KCNIP4: variants seen among roughly 807,000 people sequenced by gnomAD.
The protein encoded by KCNIP4 is Kv channel-interacting protein 4.
Under a neutral mutation model 34.0 loss-of-function variants are expected in KCNIP4, and 12 were observed. That is an observed-to-expected ratio of 0.35 (90% CI 0.23 to 0.57). KCNIP4 has a LOEUF of 0.57. Among genes scored for constraint, KCNIP4 ranks in the 20% least tolerant of loss-of-function variants. The probability of loss-of-function intolerance (pLI) is 0.83; values close to 1 mark genes in which losing one functional copy is unlikely to be tolerated. For missense variants in KCNIP4, 238 were observed against 311.7 expected, an observed-to-expected ratio of 0.76 and a Z score of 1.78; for synonymous variants, 124 against 102.2, an observed-to-expected ratio of 1.21 and a Z score of -1.29.
At chr4:21,543,338 T>C (rs766703105) in intron 1 of KCNIP4, among the ~76,000 whole-genome samples, 13 of 152,152 alleles carry the variant, frequency 8.5e-5, no homozygotes, top group Non-Finnish European at 1.6e-4. Context: ...TTGTCAGTTT[T>C]CTAAAAACTG....
At chr4:21,832,337 C>T (rs369974552) in intron 1 of KCNIP4, among the ~76,000 whole-genome samples, 2 of 152,188 alleles carry the variant, frequency 1.3e-5, no homozygotes, top group African/African-American at 4.8e-5. Context: ...ACTCTTGCTG[C>T]TTCTATTCTA....
At chr4:21,166,556 A>G (rs954554772) in intron 1 of KCNIP4, among the ~76,000 whole-genome samples, 16 of 152,338 alleles carry the variant, frequency 1.1e-4, no homozygotes, top group African/African-American at 3.6e-4. Flanking sequence ...AACAGAAAGC[A>G]TATAGACATA....
At position 21,154,299 on chromosome 4, in the gene KCNIP4, A is replaced by C. The variant is rs149424063; in HGVS notation, c.62-271590T>G. On this transcript the variant is annotated intron_variant, in intron 1 of 8. Coordinates refer to ENST00000382152, the MANE Select transcript of KCNIP4 (RefSeq NM_025221.6). ...TATCAAGATATCACATAAATGACAC[A>C]AATATGTATAACTATTATGTATTCA... Among the ~76,000 whole-genome samples, 42 of 152,334 alleles carry C rather than the reference A, an allele frequency of 2.8e-4. No individual in the cohort carries two copies. In the East Asian group the frequency reaches 7.7e-3, roughly 28 times the overall value.
At chr4:21,278,011 C>T (rs1351736156) in intron 1 of KCNIP4, among the ~76,000 whole-genome samples, 2 of 152,042 alleles carry the variant, frequency 1.3e-5, no homozygotes, top group East Asian at 3.9e-4. Flanking sequence ...CGGAAGAAAA[C>T]TGTTCTCCTA....
At chr4:21,686,832 T>G (rs536547948) in intron 1 of KCNIP4, among the ~76,000 whole-genome samples, 13 of 151,954 alleles carry the variant, frequency 8.6e-5, no homozygotes, top group South Asian at 8.3e-4. Context: ...TATACCCAAA[T>G]GACTATAAAT....
chr4:21,678,050 C>T (rs892972615), intron 1 of KCNIP4, among the ~76,000 whole-genome samples: 6 of 152,152 alleles, frequency 3.9e-5, no homozygotes, highest in Non-Finnish European at 2.9e-5. Flanking sequence ...CTGCGCCTGG[C>T]CCCACTGTTT....
chr4:21,728,866 A>G (rs1417440906), intron 1 of KCNIP4, among the ~76,000 whole-genome samples: 1 of 152,022 alleles, frequency 6.6e-6, no homozygotes, highest in East Asian at 1.9e-4. Context: ...ACTTTCCAAG[A>G]CCACCCTATT....
chr4:21,058,176 C>A (rs1743588679), intron 1 of KCNIP4, among the ~76,000 whole-genome samples: 1 of 151,852 alleles, frequency 6.6e-6, no homozygotes, highest in African/African-American at 2.4e-5. Flanking sequence ...TACAACAAGG[C>A]AGAAATGAGG....
At chr4:21,049,986 C>T (rs866357029) in intron 1 of KCNIP4, among the ~76,000 whole-genome samples, 5 of 152,166 alleles carry the variant, frequency 3.3e-5, no homozygotes, top group South Asian at 2.1e-4. Context: ...ATTCAGACAC[C>T]AGAGGTGACA....
In KCNIP4 at chr4:21,767,062, G is replaced by A. The variant is rs187519639; in HGVS notation, c.61+181509C>T. 1.6e-3 allele frequency among the ~76,000 whole-genome samples: 247 copies of A among 152,242 alleles called. 1 individual carries two copies. The highest frequency in any genetic ancestry group is 3.3e-3 in the Non-Finnish European group (225 of 68,020). ...AGAGAACACAAGAAAGGGAGTCAGG[G>A]AATCTCTCTTTGCAGAGCAACATCT... On this transcript the variant is annotated intron_variant, in intron 1 of 8. Coordinates refer to ENST00000382152, the MANE Select transcript of KCNIP4 (RefSeq NM_025221.6).
chr4:20,837,678 A>AT (rs1264681002), intron 3 of KCNIP4, among the ~76,000 whole-genome samples: 37 of 80,522 alleles, frequency 4.6e-4, no homozygotes, highest in Middle Eastern at 6.4e-3. Flanking sequence ...ATATATATAT[A>AT]TATATATATT....
intron 1 of KCNIP4, among the ~76,000 whole-genome samples, chr4:21,025,124 A>C (rs1740403693): frequency 6.6e-6 from 1 of 152,224 alleles, no homozygotes; most frequent in African/African-American, 2.4e-5. Flanking sequence ...AGAAAAATGT[A>C]AGATTTTACA....
At chr4:20,853,277 T>C (rs1341912026) in intron 2 of KCNIP4, among the ~76,000 whole-genome samples, 1 of 152,164 alleles carries the variant, frequency 6.6e-6, no homozygotes, top group Non-Finnish European at 1.5e-5. Flanking sequence ...AGCGTGGTAC[T>C]GGTATGAAAA....
intron 2 of KCNIP4, among the ~76,000 whole-genome samples, chr4:20,854,203 C>T (rs183844956): frequency 4.6e-5 from 7 of 152,280 alleles, no homozygotes; most frequent in African/African-American, 7.2e-5. Context: ...ACGTTTACAG[C>T]GGCACAATTC....
intron 1 of KCNIP4, among the ~76,000 whole-genome samples, chr4:21,553,141 AG>A (rs201438436): frequency 1.1e-4 from 12 of 105,466 alleles, no homozygotes; most frequent in Non-Finnish European, 2.4e-4. Context: ...GAAAGCTTAA[AG>A]GGGGGGGTCA....
At chr4:20,900,559 A>G (rs887312081) in intron 1 of KCNIP4, among the ~76,000 whole-genome samples, 1 of 152,084 alleles carries the variant, frequency 6.6e-6, no homozygotes, top group Non-Finnish European at 1.5e-5. Flanking sequence ...AAGATTCCCA[A>G]AACAATTAGT....
chr4:21,069,039 GC>G (rs1396583477), intron 1 of KCNIP4, among the ~76,000 whole-genome samples: 1 of 152,036 alleles, frequency 6.6e-6, no homozygotes. Flanking sequence ...TAAAAAAGGG[GC>G]AGATAAAAAT....
intron 1 of KCNIP4, among the ~76,000 whole-genome samples, chr4:20,959,148 C>T (rs902588187): frequency 6.6e-6 from 1 of 152,192 alleles, no homozygotes. Context: ...TGCACTAAGG[C>T]TGCTATCCAA....
intron 1 of KCNIP4, among the ~76,000 whole-genome samples, chr4:21,278,779 G>A (rs1036585778): frequency 2.6e-5 from 4 of 152,152 alleles, no homozygotes; most frequent in Admixed American, 2.0e-4. Flanking sequence ...ATTACAGTTT[G>A]AGATTAAAAT....
Sources: gnomAD v4.1 joint callset for allele counts (sites outside exome capture counted in the v4.1 genomes callset) on GRCh38, gnomAD v4.1.1 for gene constraint, MANE v1.5 for transcripts, NCBI Gene and HGNC (gene_info 2026-07-23, HGNC 2026-07-21) for gene names.